Variants in FAM135B observed in about 807,000 individuals in gnomAD.
FAM135B encodes family with sequence similarity 135 member B.
FAM135B carries 43 observed loss-of-function variants against 127.7 expected under a neutral mutation model. The ratio of observed to expected loss-of-function variants is 0.34; its 90% confidence interval spans 0.26 to 0.43. FAM135B has a LOEUF of 0.43. Ranked by LOEUF, FAM135B falls within the 20% of genes least tolerant of loss-of-function variation. FAM135B has a pLI of 1.00. For synonymous variants in FAM135B, 670 were observed against 665.1 expected (o/e 1.01, Z -0.11); for missense variants, 1,558 against 1,725.6 (o/e 0.90, Z 1.72).
chr8:138,271,570 C>T (rs950196764), intron 3 of FAM135B, among the ~76,000 whole-genome samples: 19 of 152,102 alleles, frequency 1.2e-4, no homozygotes, highest in Non-Finnish European at 2.4e-4. Context: ...TGTGGAATAG[C>T]GAATGAATAT....
At chr8:138,314,269 C>T (rs1363013584) in intron 2 of FAM135B, among the ~76,000 whole-genome samples, 2 of 152,132 alleles carry the variant, frequency 1.3e-5, no homozygotes, top group Admixed American at 6.5e-5. Flanking sequence ...TGACCAGAGG[C>T]TCACAGGAAC....
Position 138,243,030 on chromosome 8 carries a change from C to T in FAM135B, c.581G>A (p.Gly194Asp), listed in dbSNP as rs774273516. Residue 194 changes from glycine (G) to aspartate (D), a missense_variant, in exon 7 of 20, where the codon GGT (glycine) becomes GAT (aspartate). This residue lies in a region of FAM135B where 127 missense variants were observed against 109.7 expected (regional missense o/e 1.16). Transcript: ENST00000395297. The surrounding 1 kb of genome is among the most constrained non-coding windows in gnomAD (Gnocchi z 7.5). ...RPGRGSWLGK[G>D]GPDTGQEQSI... ...CTGTTCTTGTCCGGTGTCTGGGCCA[C>T]CTTTACCAAGCCAGGAGCCTCTTCC... The T allele has an allele frequency of 8.4e-5, 135 of 1,613,270 alleles. 1 individual carries two copies. Among genetic ancestry groups the T allele is most frequent in the South Asian group, 1.1e-4 (10 of 90,834 alleles).
intron 4 of FAM135B, among the ~76,000 whole-genome samples, chr8:138,258,773 C>T (rs532529094): frequency 6.7e-6 from 1 of 148,886 alleles, no homozygotes; most frequent in East Asian, 2.0e-4. Context: ...TTGTTGACTT[C>T]CTACCCCTCC....
chr8:138,193,221 T>G (rs1816300034), intron 9 of FAM135B, among the ~76,000 whole-genome samples: 2 of 152,174 alleles, frequency 1.3e-5, no homozygotes, highest in African/African-American at 4.8e-5. Context: ...TTTGGACAAA[T>G]GCTTTGGTAA....
chr8:138,335,188 G>A (rs911587634), intron 2 of FAM135B, among the ~76,000 whole-genome samples: 3 of 152,156 alleles, frequency 2.0e-5, no homozygotes, highest in African/African-American at 7.2e-5. Flanking sequence ...GCAGGATTCT[G>A]AAAAGGAGTC....
At chr8:138,137,678 T>C (rs1460847914) in intron 18 of FAM135B, among the ~76,000 whole-genome samples, 5 of 152,120 alleles carry the variant, frequency 3.3e-5, no homozygotes, top group Admixed American at 3.3e-4. Context: ...TTGTTCTTCC[T>C]CCTCAACTCC....
At chr8:138,391,312 T>C (rs1250520483) in intron 1 of FAM135B, among the ~76,000 whole-genome samples, 1 of 152,056 alleles carries the variant, frequency 6.6e-6, no homozygotes, top group East Asian at 1.9e-4. Context: ...GATCCAGGGC[T>C]ACAGAGCCCC....
At chr8:138,226,184 T>TGTGTGTGTGC in intron 7 of FAM135B, among the ~76,000 whole-genome samples, 46 of 139,200 alleles carry the variant, frequency 3.3e-4, no homozygotes, top group African/African-American at 1.1e-3. Context: ...TGTGTGTGTG[T>TGTGTGTGTGC]GCGCGCATGT....
intron 3 of FAM135B, among the ~76,000 whole-genome samples, chr8:138,310,146 T>C (rs898594410): frequency 1.3e-5 from 2 of 152,142 alleles, no homozygotes; most frequent in Admixed American, 1.3e-4. Flanking sequence ...GCTGGGATTA[T>C]AGGCATGAGC....
intron 13 of FAM135B, among the ~76,000 whole-genome samples, chr8:138,149,488 G>A (rs989258377): frequency 2.0e-5 from 3 of 152,048 alleles, no homozygotes; most frequent in Admixed American, 1.3e-4. Flanking sequence ...GGTGCCTGAG[G>A]GCCTGTGTGC....
intron 7 of FAM135B, among the ~76,000 whole-genome samples, chr8:138,221,182 C>T (rs1405945435): frequency 5.3e-5 from 8 of 152,146 alleles, no homozygotes; most frequent in African/African-American, 1.9e-4. Context: ...GTTCTGCAGG[C>T]TGCCCAGGAA....
intron 3 of FAM135B, among the ~76,000 whole-genome samples, chr8:138,274,355 T>C (rs915430220): frequency 9.2e-5 from 14 of 152,246 alleles, no homozygotes; most frequent in Non-Finnish European, 2.1e-4. Flanking sequence ...AAGTTTTTAT[T>C]AGGGAGTTTC....
chr8:138,328,212 T>A (rs1394815556), intron 2 of FAM135B, among the ~76,000 whole-genome samples: 1 of 152,156 alleles, frequency 6.6e-6, no homozygotes, highest in African/African-American at 2.4e-5. Context: ...TCTCTACACA[T>A]GAGCTCACCT....
chr8:138,134,677 T>TA (rs1227236612), intron 19 of FAM135B, among the ~76,000 whole-genome samples: 2 of 152,058 alleles, frequency 1.3e-5, no homozygotes, highest in Non-Finnish European at 1.5e-5. Flanking sequence ...AAAATATTGG[T>TA]ACTTCTTCCA....
chr8:138,223,195 G>A (rs1017489115), intron 7 of FAM135B, among the ~76,000 whole-genome samples: 1 of 152,186 alleles, frequency 6.6e-6, no homozygotes, highest in Non-Finnish European at 1.5e-5. Flanking sequence ...GGTTAAACAG[G>A]AGAGAACAAC....
At chr8:138,451,440 G>A (rs1357099685) in intron 1 of FAM135B, among the ~76,000 whole-genome samples, 1 of 152,200 alleles carries the variant, frequency 6.6e-6, no homozygotes, top group Non-Finnish European at 1.5e-5. Flanking sequence ...AAATAGAGAA[G>A]GTCTTGAAGG....
At chr8:138,283,921 C>A (rs755239369) in intron 3 of FAM135B, among the ~76,000 whole-genome samples, 1 of 151,610 alleles carries the variant, frequency 6.6e-6, no homozygotes, top group Non-Finnish European at 1.5e-5. Context: ...ACAGCATGGG[C>A]GAAGGTAGCT....
upstream of FAM135B, among the ~76,000 whole-genome samples, chr8:138,497,671 C>A (rs759523283): frequency 1.3e-5 from 2 of 152,226 alleles, no homozygotes; most frequent in South Asian, 4.1e-4. Context: ...CCAGCCGGCC[C>A]GTCATCCGAT....
chr8:138,355,147 G>A (rs1358842265), intron 2 of FAM135B, among the ~76,000 whole-genome samples: 1 of 152,058 alleles, frequency 6.6e-6, no homozygotes, highest in African/African-American at 2.4e-5. Flanking sequence ...CAACCATTGT[G>A]GAAGACAATG....
Sources: gnomAD v4.1 joint callset for allele counts (sites outside exome capture counted in the v4.1 genomes callset) on GRCh38, gnomAD v4.1.1 for gene constraint, gnomAD v4.1.1 regional missense constraint, Gnocchi (gnomAD v3.1) non-coding constraint, MANE v1.5 for transcripts, NCBI Gene and HGNC (gene_info 2026-07-23, HGNC 2026-07-21) for gene names.